CLIC5: variants seen among roughly 807,000 people sequenced by gnomAD.
CLIC5 encodes CLIC family member 5, also known as chloride intracellular channel protein 5.
CLIC5 carries 20 observed loss-of-function variants against 24.7 expected under a neutral mutation model. The ratio of observed to expected loss-of-function variants is 0.81; its 90% CI spans 0.57 to 1.18. The LOEUF (loss-of-function observed/expected upper bound fraction) is 1.18, where lower values mean the gene tolerates loss of function less well. Ranked by LOEUF, CLIC5 falls within the 50% of genes most tolerant of loss-of-function variation. The pLI is 0.00. For missense variants in CLIC5, 341 were observed against 326.1 expected, an observed-to-expected ratio of 1.05 and a Z score of -0.35; for synonymous variants, 159 against 135.6, an observed-to-expected ratio of 1.17 and a Z score of -1.20.
chr6:46,123,461 C>A, the CLIC5 span, among the ~76,000 whole-genome samples: 1 of 152,274 alleles, frequency 6.6e-6, no homozygotes. Flanking sequence ...TTATGACAGA[C>A]CCACAGCCAA....
chr6:46,109,055 CTTAGGA>C, the CLIC5 span, among the ~76,000 whole-genome samples: 10 of 152,028 alleles, frequency 6.6e-5, no homozygotes, highest in Non-Finnish European at 8.8e-5. Flanking sequence ...TCTTACATGT[CTTAGGA>C]TATGTCATCA....
rs748533736 is a variant in CLIC5 at position 45,949,430 on chromosome 6, T to A, written c.174-49A>T. Reference sequence around the variant, plus strand: ...TGTTGGCTTACAGCAGGGTGCTTCCTGTTCTGGGAAACCTAAGATTGATTG... The same window carrying A: ...TGTTGGCTTACAGCAGGGTGCTTCCAGTTCTGGGAAACCTAAGATTGATTG... On this transcript the variant is annotated intron_variant, in intron 2 of 5. Coordinates refer to ENST00000339561, the MANE Select transcript of CLIC5 (RefSeq NM_016929.5). The A allele has an allele frequency of 3.2e-6, 5 of 1,585,462 alleles. No homozygotes were observed. In the East Asian group the frequency reaches 9.0e-5, roughly 29 times the overall value.
upstream of CLIC5, among the ~76,000 whole-genome samples, chr6:46,081,080 G>C (rs1554168001): frequency 6.6e-6 from 1 of 152,200 alleles, no homozygotes. Context: ...TTTAAATGTA[G>C]CTGGAGGGCC....
At chr6:46,109,008 T>G in the CLIC5 span, among the ~76,000 whole-genome samples, 1 of 152,314 alleles carries the variant, frequency 6.6e-6, no homozygotes, top group Non-Finnish European at 1.5e-5. Context: ...ATAAATACGT[T>G]ATTAATGTGC....
intron 1 of CLIC5, among the ~76,000 whole-genome samples, chr6:46,022,412 C>T (rs1767210504): frequency 6.6e-6 from 1 of 152,194 alleles, no homozygotes; most frequent in African/African-American, 2.4e-5. Context: ...ATCTCCCAGA[C>T]AATCTCAAGG....
chr6:45,972,785 T>C (rs2127405515), intron 1 of CLIC5, among the ~76,000 whole-genome samples: 1 of 152,348 alleles, frequency 6.6e-6, no homozygotes, highest in South Asian at 2.1e-4. Context: ...GGAAGACCTT[T>C]AAAACCGATG....
chr6:46,033,986 G>A (rs1259756835), intron 1 of CLIC5, among the ~76,000 whole-genome samples: 3 of 152,160 alleles, frequency 2.0e-5, no homozygotes, highest in Non-Finnish European at 4.4e-5. Flanking sequence ...AAGACCTAGG[G>A]TAAAACCCAG....
intron 1 of CLIC5, chr6:46,014,758 T>C (rs1487617779): frequency 6.6e-6 from 1 of 152,212 alleles, no homozygotes; most frequent in Non-Finnish European, 1.5e-5. Flanking sequence ...CATTAGGCAG[T>C]TTCTGTCCAA....
At position 45,974,520 on chromosome 6, in the gene CLIC5, T is replaced by G. The variant is rs867542388; in HGVS notation, c.64-19276A>C. On this transcript the variant is annotated intron_variant, in intron 1 of 5. Transcript: ENST00000339561. The stretch of plus-strand genomic sequence containing the variant: ...GTGTATATATATATATATATATATA[T>G]ATAGAGAGAGAGAGAGAGAGAGAGA... 9.3e-4 allele frequency among the ~76,000 whole-genome samples: 62 copies of G among 66,942 alleles called. 1 individual carries two copies. The highest frequency in any genetic ancestry group is 2.0e-3 in the South Asian group (3 of 1,478). 43.9% of individuals were successfully genotyped at this position (66,942 alleles called of 152,430 possible).
In CLIC5 at chr6:46,001,259, T is replaced by A. The variant is rs112908325; in HGVS notation, c.63+14221A>T. On this transcript the variant is annotated intron_variant, in intron 1 of 5. Coordinates refer to ENST00000339561, the MANE Select transcript of CLIC5 (RefSeq NM_016929.5). ...CAAGAGAAGGTCCTGGGGTCTTGAC[T>A]GGGTGGAGAGCCTGGTGTCCCCCTA... 5.0e-3 allele frequency among the ~76,000 whole-genome samples: 762 copies of A among 152,272 alleles called. 5 individuals are homozygous for A. The highest frequency in any genetic ancestry group is 0.018 in the African/African-American group (733 of 41,552).
chr6:45,938,134 G>T (rs1419625759), intron 4 of CLIC5, among the ~76,000 whole-genome samples: 1 of 152,208 alleles, frequency 6.6e-6, no homozygotes, highest in African/African-American at 2.4e-5. Context: ...GAAAAAAATG[G>T]CAAAGTAATG....
chr6:46,015,991 G>A, upstream of CLIC5: 2 of 741,044 alleles, frequency 2.7e-6, no homozygotes, highest in African/African-American at 1.9e-5. Context: ...CCAAGACCCC[G>A]CAGGGCAGGA....
intron 5 of CLIC5, among the ~76,000 whole-genome samples, chr6:45,907,284 C>T: frequency 6.6e-6 from 1 of 152,132 alleles, no homozygotes; most frequent in East Asian, 1.9e-4. Flanking sequence ...TTGAGATGAT[C>T]ATTTCATTTT....
rs1463991439 is a variant in CLIC5 at position 45,941,606 on chromosome 6, A to T, written c.347T>A (p.Ile116Asn). The change falls in exon 4 of 6, where the codon ATC becomes AAC. Residue 116 changes from isoleucine to asparagine, a missense_variant. Transcript: ENST00000339561. ...GGCAGAAAACTTGGAAAAGATGTCG[A>T]TGCCCGCTGTGTTGGATTCCCGGTG... ...AKHRESNTAG[I>N]DIFSKFSAYI... 3 of 1,613,804 alleles carry T rather than the reference A, an allele frequency of 1.9e-6. No individual in the cohort carries two copies. Among genetic ancestry groups the T allele is most frequent in the Admixed American group, 3.3e-5 (2 of 59,994 alleles).
At chr6:46,043,452 G>A (rs1767868032) in intron 1 of CLIC5, among the ~76,000 whole-genome samples, 1 of 152,208 alleles carries the variant, frequency 6.6e-6, no homozygotes. Context: ...AAAATGATAG[G>A]GCTGGTGGTG....
At chr6:45,931,953 C>T (rs1763753631) in intron 4 of CLIC5, among the ~76,000 whole-genome samples, 1 of 152,114 alleles carries the variant, frequency 6.6e-6, no homozygotes, top group Admixed American at 6.5e-5. Context: ...TGCCACTGTG[C>T]CCAGCCAGTA....
chr6:45,959,895 TTCA>T (rs1246925094), intron 1 of CLIC5, among the ~76,000 whole-genome samples: 5 of 152,178 alleles, frequency 3.3e-5, no homozygotes, highest in African/African-American at 9.7e-5. Context: ...TTTTTAATGC[TTCA>T]TCAAGGACAT....
rs931613358 is a variant in CLIC5 at position 45,898,545 on chromosome 6, G to A, written c.*4543C>T. The A allele has an allele frequency of 2.0e-5, 3 of 148,808 alleles. No homozygotes were observed. The highest frequency in any genetic ancestry group is 7.8e-5 in the African/African-American group (3 of 38,242). The allele number at this position is 148,808 out of a possible 1,614,324, so 9.2% of individuals were successfully genotyped here. A position where few individuals can be genotyped will look rare whatever the true frequency, so the allele number is the denominator to read the frequency against. ...TTGGTAATTGGTTCAGATTCATGAG[G>A]AAAACACTCAGCTGTATCTTCATTA... On this transcript the variant is annotated 3_prime_UTR_variant, in exon 6 of 6. Transcript: ENST00000339561.
intron 1 of CLIC5, among the ~76,000 whole-genome samples, chr6:46,009,920 G>A (rs1455958281): frequency 1.3e-5 from 2 of 152,164 alleles, no homozygotes; most frequent in Non-Finnish European, 2.9e-5. Context: ...CCTGTAGTCA[G>A]TCCAACCACA....
Sources: allele counts gnomAD v4.1 joint callset (sites outside exome capture counted in the v4.1 genomes callset), GRCh38; gene constraint gnomAD v4.1.1; transcripts MANE v1.5; gene names NCBI Gene and HGNC (gene_info 2026-07-23, HGNC 2026-07-21).